Variants in DOCK11 observed in about 807,000 individuals in gnomAD.
DOCK11 encodes the protein dedicator of cytokinesis protein 11.
In DOCK11, 70 loss-of-function variants were observed where a neutral mutation model predicts 169.1. That is an observed-to-expected ratio of 0.41 (90% CI 0.34 to 0.51). DOCK11 has a LOEUF of 0.51. Among genes scored for constraint, DOCK11 ranks in the 20% least tolerant of loss-of-function variants. The probability of loss-of-function intolerance (pLI) is 0.10; values close to 1 mark genes in which losing one functional copy is unlikely to be tolerated. For missense variants in DOCK11, 1,166 were observed against 1,538.8 expected, an observed-to-expected ratio of 0.76 and a Z score of 4.05; for synonymous variants, 529 against 541.3, an observed-to-expected ratio of 0.98 and a Z score of 0.32.
In DOCK11 at chrX:118,681,187, C is replaced by T; in HGVS notation, c.5801C>T (p.Ser1934Phe). The T allele has an allele frequency of 8.3e-7, 1 of 1,207,287 alleles. No individual in the cohort carries two copies. Among genetic ancestry groups the T allele is most frequent in the Non-Finnish European group, 1.1e-6 (1 of 893,690 alleles). The change falls in exon 50 of 53, where the codon TCC (serine) becomes TTC (phenylalanine). Residue 1934 changes from serine to phenylalanine, a missense_variant. By Grantham distance (155) the Ser-to-Phe change is radical. Coordinates refer to ENST00000276202, the MANE Select transcript of DOCK11 (RefSeq NM_144658.4). ...ACTGCAGAGCTGCAAAAGCTTTGCT[C>T]CTCTACTGACGTGGACATGATTCAG... is the stretch of plus-strand genomic sequence containing the variant. ...DKTAELQKLC[S>F]STDVDMIQLQ...
In DOCK11 at chrX:118,516,018, T is replaced by TATATATACGC. The variant is rs1269373292; in HGVS notation, c.102+19946_102+19947insTATATACGCA. ...GGATTTGGGCAAATATATATATATA[T>TATATATACGC]ACATTCTTACACCAGAAAACTGTGC... is the stretch of plus-strand genomic sequence containing the variant. On this transcript the variant is annotated intron_variant, in intron 1 of 52. Coordinates refer to ENST00000276202, the MANE Select transcript of DOCK11 (RefSeq NM_144658.4). Among the ~76,000 whole-genome samples, 3 of 81,501 alleles carry TATATATACGC rather than the reference T, an allele frequency of 3.7e-5. 1 individual carries two copies. The highest frequency in any genetic ancestry group is 1.6e-4 in the African/African-American group (3 of 19,112). 70.8% of individuals were successfully genotyped at this position (81,501 alleles called of 115,157 possible). A position where few individuals can be genotyped will look rare whatever the true frequency, so the allele number is the denominator to read the frequency against.
intron 1 of DOCK11, among the ~76,000 whole-genome samples, chrX:118,501,115 G>A (rs1310836348): frequency 1.8e-5 from 2 of 111,033 alleles, no homozygotes; most frequent in African/African-American, 6.5e-5. Context: ...TTCTAATTTT[G>A]TGCTGTTATA....
chrX:118,530,726 C>T (rs2011499894), intron 1 of DOCK11, among the ~76,000 whole-genome samples: 1 of 112,084 alleles, frequency 8.9e-6, no homozygotes, highest in African/African-American at 3.2e-5. Flanking sequence ...GCATGGCACT[C>T]TCTGTATCCC....
Position 118,624,648 on chromosome X carries a change from C to T in DOCK11, c.3581C>T (p.Pro1194Leu). The change falls in exon 32 of 53, where the codon CCT becomes CTT. Residue 1194 changes from proline to leucine, a missense_variant. Pro to Leu is a moderately conservative substitution (Grantham distance 98, BLOSUM62 -3). Transcript: ENST00000276202. ...RDTLYSCAAM[P>L]NSASRDEFPC... Reference sequence around the variant, plus strand: ...ACCTTGTATTCTTGTGCAGCCATGCCTAATTCTGTAAGTAGTAATGTGTTT... The same window carrying T: ...ACCTTGTATTCTTGTGCAGCCATGCTTAATTCTGTAAGTAGTAATGTGTTT... 8.5e-7 allele frequency: 1 copy of T among 1,173,800 alleles called. No homozygotes were observed. The highest frequency in any genetic ancestry group is 1.2e-6 in the Non-Finnish European group (1 of 865,045).
chrX:118,551,698 T>C (rs1243383749), intron 6 of DOCK11, among the ~76,000 whole-genome samples: 1 of 110,811 alleles, frequency 9.0e-6, no homozygotes, highest in Non-Finnish European at 1.9e-5. Flanking sequence ...ACTCGATCTC[T>C]TAAAAAAAAA....
intron 10 of DOCK11, among the ~76,000 whole-genome samples, chrX:118,569,091 C>CTTTTT (rs1186200391): frequency 2.7e-3 from 121 of 44,956 alleles, no homozygotes; most frequent in Non-Finnish European, 3.4e-3. Context: ...TCTTTCTTTC[C>CTTTTT]TTTTTTTTTT....
chrX:118,624,631 T>C lies in DOCK11; in HGVS notation c.3564T>C (p.Tyr1188=). 1 of 1,201,262 alleles carries C rather than the reference T, an allele frequency of 8.3e-7. No individual in the cohort carries two copies. The highest frequency in any genetic ancestry group is 1.1e-6 in the Non-Finnish European group (1 of 886,870). ...GATTAGCAGGTCGAGATACCTTGTA[T>C]TCTTGTGCAGCCATGCCTAATTCTG... The part of the protein sequence containing the change: ...IQRLAGRDTL[Y]SCAAMPNSAS... The change falls in exon 32 of 53, where the codon TAT becomes TAC. Residue 1188 remains tyrosine, a synonymous_variant. Transcript: ENST00000276202.
intron 14 of DOCK11, among the ~76,000 whole-genome samples, chrX:118,581,908 G>T (rs1441200049): frequency 9.3e-6 from 1 of 108,034 alleles, no homozygotes; most frequent in African/African-American, 3.4e-5. Context: ...GAGGCGGGTG[G>T]ATCACAAGAT....
intron 30 of DOCK11, among the ~76,000 whole-genome samples, chrX:118,616,943 A>G (rs777250485): frequency 2.7e-5 from 3 of 111,952 alleles, no homozygotes; most frequent in Non-Finnish European, 5.6e-5. Flanking sequence ...GAACATGTAT[A>G]GCTCACATAA....
rs141632093 is a variant in DOCK11 at position 118,566,065 on chromosome X, C to T, written c.754C>T (p.Leu252=). The change falls in exon 8 of 53, where the codon CTG becomes TTG. Residue 252 remains leucine (L), a synonymous_variant. Coordinates refer to ENST00000276202, the MANE Select transcript of DOCK11 (RefSeq NM_144658.4). ...GATGTTAGATAAATATAGCCATTAT[C>T]TGGCTGCTGAAACTGAGCAGGAAAT... ...LKMLDKYSHY[L]AAETEQEMEE... is the part of the protein sequence containing the mutation. 7.9e-4 allele frequency: 952 copies of T among 1,208,666 alleles called. 6 individuals carry two copies. In the African/African-American group the frequency reaches 0.015, roughly 19 times the overall value.
chrX:118,682,893 G>A (rs888519434), intron 51 of DOCK11, among the ~76,000 whole-genome samples, 186 bp from the exon 52 acceptor site: 24 of 111,983 alleles, frequency 2.1e-4, no homozygotes, highest in Non-Finnish European at 1.1e-4. Context: ...TAAGGCAAAG[G>A]TGGAAAGGAA....
rs756070609 is a variant in DOCK11, at chrX:118,532,706, G to A, written c.103-10019G>A. Among the ~76,000 whole-genome samples, 19 of 104,407 alleles carry A rather than the reference G, an allele frequency of 1.8e-4. No individual in the cohort carries two copies. In the South Asian group the frequency reaches 8.3e-3, roughly 46 times the overall value. 90.7% of individuals were successfully genotyped at this position (104,407 alleles called of 115,157 possible). Reference sequence around the variant, plus strand: ...TGAGGCAGGAGAATGGCGTGAATCCGGGAGGCGGAGCTTGCAGTGAGCCGA... The same window carrying A: ...TGAGGCAGGAGAATGGCGTGAATCCAGGAGGCGGAGCTTGCAGTGAGCCGA... On this transcript the variant is annotated intron_variant, in intron 1 of 52. Transcript: ENST00000276202.
intron 41 of DOCK11, 118 bp from the exon 42 acceptor site, chrX:118,651,846 A>G: frequency 2.2e-6 from 1 of 450,468 alleles, no homozygotes. Context: ...ATGATGGTAC[A>G]GTGTAGAATC....
chrX:118,671,773 G>A (rs778583710), intron 46 of DOCK11, among the ~76,000 whole-genome samples: 129 of 111,676 alleles, frequency 1.2e-3, no homozygotes, highest in African/African-American at 3.8e-3. Context: ...TCTGTCTCCC[G>A]AGTTCAAGCA....
intron 46 of DOCK11, among the ~76,000 whole-genome samples, chrX:118,671,400 T>C (rs1179957825): frequency 1.8e-5 from 2 of 111,547 alleles, no homozygotes; most frequent in Admixed American, 1.9e-4. Context: ...AAAGGAATGA[T>C]AAATGTTTGA....
rs1569429018 is a variant in DOCK11, at chrX:118,609,261, CTT to C, written c.2878-15_2878-14del. 2 of 1,166,984 alleles carry C rather than the reference CTT, an allele frequency of 1.7e-6. No individual in the cohort carries two copies. On this transcript the variant is annotated splice_polypyrimidine_tract_variant and intron_variant, in intron 26 of 52. Coordinates refer to ENST00000276202, the MANE Select transcript of DOCK11 (RefSeq NM_144658.4). ...AGATTTGGTAACCGTTAAAGATTCT[CTT>C]TCTTTTTTTTTCAGTACTCATGGTT...
chrX:118,685,623 C>T, intron 52 of DOCK11, 65 bp from the exon 53 acceptor site: 1 of 1,159,951 alleles, frequency 8.6e-7, no homozygotes, highest in Non-Finnish European at 1.2e-6. Flanking sequence ...ATTTCATATA[C>T]ACATTCTTTT....
At chrX:118,575,235 T>C (rs1327317354) in intron 12 of DOCK11, among the ~76,000 whole-genome samples, 1 of 111,517 alleles carries the variant, frequency 9.0e-6, no homozygotes, top group East Asian at 2.8e-4. Context: ...TATATACACA[T>C]TATGTGTATG....
At chrX:118,576,322 C>A (rs2013444206) in intron 12 of DOCK11, among the ~76,000 whole-genome samples, 1 of 111,191 alleles carries the variant, frequency 9.0e-6, no homozygotes, top group Non-Finnish European at 1.9e-5. Flanking sequence ...TGGTGGGAAA[C>A]AAGGACTGGG....
Sources: gnomAD v4.1 joint callset for allele counts (sites outside exome capture counted in the v4.1 genomes callset) on GRCh38, gnomAD v4.1.1 for gene constraint, MANE v1.5 for transcripts, NCBI Gene and HGNC (gene_info 2026-07-23, HGNC 2026-07-21) for gene names.